GCG: variants seen among roughly 807,000 people sequenced by gnomAD.
GCG encodes glucagon.
GCG carries 11 observed loss-of-function variants against 22.8 expected under a neutral mutation model. The ratio of observed to expected loss-of-function variants is 0.48; its 90% CI spans 0.30 to 0.80. The LOEUF (loss-of-function observed/expected upper bound fraction) is 0.80. Among genes scored for constraint, GCG ranks in the 30% least tolerant of loss-of-function variants. The pLI, the probability that GCG is intolerant of heterozygous loss-of-function variation, is 0.06. For missense variants in GCG, 222 were observed against 222.0 expected (o/e 1.00, Z 0.00); for synonymous variants, 89 against 72.4 (o/e 1.23, Z -1.16).
Position 162,152,152 on chromosome 2 carries a change from T to C in GCG, c.-10+6A>G, listed in dbSNP as rs547679321. On this transcript the variant is annotated splice_donor_region_variant and intron_variant, in intron 1 of 5. Transcript: ENST00000418842. The stretch of plus-strand genomic sequence containing the variant: ...AACAGGATTTACAATTTTATAATCA[T>C]CTTACCTTCTGGTAGTGTGCTGTAG... The C allele has an allele frequency of 3.9e-5, 6 of 152,718 alleles. No homozygotes were observed. In the East Asian group the frequency reaches 1.2e-3, roughly 29 times the overall value. 9.5% of individuals were successfully genotyped at this position (152,718 alleles called of 1,614,324 possible).
Position 162,144,184 on chromosome 2 carries a change from T to G in GCG, c.393-14A>C. The G allele has an allele frequency of 6.2e-7, 1 of 1,601,406 alleles. No individual in the cohort carries two copies. The highest frequency in any genetic ancestry group is 8.6e-7 in the Non-Finnish European group (1 of 1,168,808). ...TCTTCTGGGAAACTAAGAAAATAAGTGTTAAAATTAGCGTTTGATTAGATA... is the reference window on the plus strand; with the variant it reads ...TCTTCTGGGAAACTAAGAAAATAAGGGTTAAAATTAGCGTTTGATTAGATA... On this transcript the variant is annotated splice_polypyrimidine_tract_variant and intron_variant, in intron 4 of 5. Transcript: ENST00000418842.
intron 3 of GCG, among the ~76,000 whole-genome samples, chr2:162,146,337 G>A (rs539473818): frequency 3.0e-4 from 46 of 152,188 alleles, no homozygotes; most frequent in Admixed American, 1.6e-3. Context: ...TTACCAAGTT[G>A]TGGCATTCCC....
chr2:162,151,399 G>A (rs758755384), intron 1 of GCG, among the ~76,000 whole-genome samples: 1 of 152,050 alleles, frequency 6.6e-6, no homozygotes, highest in Non-Finnish European at 1.5e-5. Context: ...CTCCATCAAA[G>A]ATCTTTGTAA....
rs1686801733 is a variant in GCG at position 162,150,307 on chromosome 2, A to T, written c.-9-1120T>A. 2.0e-5 allele frequency among the ~76,000 whole-genome samples: 3 copies of T among 152,194 alleles called. No homozygotes were observed. The South Asian group carries it at 6.2e-4, about 31-fold the overall frequency. ...ACAAATAATTTGAATGAATATTTTT[A>T]GCAAATGACATTTGGTTTGGAATAA... On this transcript the variant is annotated intron_variant, in intron 1 of 5. Transcript: ENST00000418842.
chr2:162,147,306 A>T (rs759750862), intron 3 of GCG, 47 bp downstream of exon 3: 2 of 1,428,110 alleles, frequency 1.4e-6, no homozygotes, highest in Admixed American at 1.8e-5. Context: ...TTTTAGACCT[A>T]TTTAATACAT....
chr2:162,143,752 T>C (rs1465879926), intron 5 of GCG, among the ~76,000 whole-genome samples: 1 of 152,214 alleles, frequency 6.6e-6, no homozygotes, highest in East Asian at 1.9e-4. Flanking sequence ...TGATGTAACA[T>C]TTCCCATGTT....
At chr2:162,145,701 T>C in intron 3 of GCG, 24 bp from the exon 4 acceptor site, 2 of 1,603,324 alleles carry the variant, frequency 1.2e-6, no homozygotes, top group Non-Finnish European at 8.5e-7. Context: ...GAAAGTTAAA[T>C]TGAAGATCTG....
In GCG at chr2:162,144,026, C is replaced by A; in HGVS notation, c.536+1G>T. On this transcript the variant is annotated splice_donor_variant, in intron 5 of 5. Coordinates refer to ENST00000418842, the MANE Select transcript of GCG (RefSeq NM_002054.5). LOFTEE classifies it high-confidence loss of function. The stretch of plus-strand genomic sequence containing the variant: ...TTCAGAATTAACTAAAAAGCAGTCA[C>A]CTGTCAGTGATTTTGGTCTGAATCA... 6.2e-7 allele frequency: 1 copy of A among 1,612,470 alleles called. No individual in the cohort carries two copies. Among genetic ancestry groups the A allele is most frequent in the Non-Finnish European group, 8.5e-7 (1 of 1,178,834 alleles).
chr2:162,151,153 C>G (rs1048018961), intron 1 of GCG, among the ~76,000 whole-genome samples: 2 of 151,862 alleles, frequency 1.3e-5, no homozygotes, highest in African/African-American at 2.4e-5. Context: ...CTAAAGAGAG[C>G]CTGCAGTTTT....
intron 1 of GCG, among the ~76,000 whole-genome samples, chr2:162,150,094 T>C (rs1256775460): frequency 1.3e-5 from 2 of 152,084 alleles, no homozygotes; most frequent in Admixed American, 1.3e-4. Flanking sequence ...AAGGATGTGA[T>C]GATGCAGTGT....
chr2:162,146,654 G>T (rs1270235986), intron 3 of GCG, among the ~76,000 whole-genome samples: 2 of 149,700 alleles, frequency 1.3e-5, no homozygotes, highest in Non-Finnish European at 3.0e-5. Context: ...GATTTCTTCA[G>T]CTACTTTCTA....
chr2:162,147,450 G>T lies in GCG; in HGVS notation c.157C>A (p.His53Asn). The change falls in exon 3 of 6, where the codon CAT (histidine) becomes AAT (asparagine). Residue 53 changes from histidine to asparagine, a missense_variant. By Grantham distance (68) the His-to-Asn change is moderately conservative. Transcript: ENST00000418842. ...DPDQMNEDKR[H>N]SQGTFTSDYS... ...TCACTGGTGAATGTGCCCTGTGAAT[G>T]GCGCTTGTCCTCGTTCATCTGATCA... is the stretch of plus-strand genomic sequence containing the variant. 6.2e-7 allele frequency: 1 copy of T among 1,613,188 alleles called. No individual in the cohort carries two copies. The highest frequency in any genetic ancestry group is 8.5e-7 in the Non-Finnish European group (1 of 1,179,320).
intron 3 of GCG, among the ~76,000 whole-genome samples, chr2:162,146,703 A>AAATTGTG (rs1478837251): frequency 6.6e-6 from 1 of 151,992 alleles, no homozygotes; most frequent in African/African-American, 2.4e-5. Context: ...CCCTCCAAAA[A>AAATTGTG]AATTGTGAAA....
intron 3 of GCG, among the ~76,000 whole-genome samples, chr2:162,146,637 A>T (rs1287947508): frequency 7.1e-6 from 1 of 140,946 alleles, no homozygotes; most frequent in African/African-American, 2.6e-5. Flanking sequence ...CCTTTTCCTG[A>T]TTTTTTGATT....
intron 4 of GCG, chr2:162,144,437 T>C (rs538812855): frequency 4.4e-5 from 17 of 389,554 alleles, no homozygotes; most frequent in East Asian, 2.7e-4. Context: ...GATTTTAGTA[T>C]ATTGACAATA....
At chr2:162,147,561 A>T (rs201109453) in intron 2 of GCG, 47 bp from the exon 3 acceptor site, 181 of 1,541,010 alleles carry the variant, frequency 1.2e-4, no homozygotes, top group Middle Eastern at 1.7e-4. Context: ...CCTCAAGAGT[A>T]GACTCACTTG....
At chr2:162,145,723 A>G (rs1686667189) in intron 3 of GCG, 46 bp from the exon 4 acceptor site, 7 of 1,577,094 alleles carry the variant, frequency 4.4e-6, no homozygotes, top group Non-Finnish European at 6.1e-6. Context: ...CTCTTTGGCA[A>G]TATGGTTCTC....
In GCG at chr2:162,144,027, C is replaced by A. The variant is rs1410998244; in HGVS notation, c.536G>T (p.Arg179Met). 1 of 1,612,038 alleles carries A rather than the reference C, an allele frequency of 6.2e-7. No homozygotes were observed. The highest frequency in any genetic ancestry group is 1.1e-5 in the South Asian group (1 of 90,996). The change falls in exon 5 of 6, where the codon AGG (arginine) becomes ATG (methionine). Residue 179 changes from arginine (R) to methionine (M), a missense_variant and splice_region_variant. Arg to Met is a moderately conservative substitution (Grantham distance 91, BLOSUM62 -1). Transcript: ENST00000418842. ...NWLIQTKITD[R>M]K ...TCAGAATTAACTAAAAAGCAGTCACCTGTCAGTGATTTTGGTCTGAATCAA... is the reference window on the plus strand; with the variant it reads ...TCAGAATTAACTAAAAAGCAGTCACATGTCAGTGATTTTGGTCTGAATCAA...
chr2:162,143,900 C>T (rs772740680), intron 5 of GCG, 127 bp downstream of exon 5: 12 of 742,060 alleles, frequency 1.6e-5, no homozygotes, highest in Middle Eastern at 2.3e-4. Flanking sequence ...CTTAAACATG[C>T]ATAATTATTT....
Sources: gnomAD v4.1 joint callset for allele counts (sites outside exome capture counted in the v4.1 genomes callset) on GRCh38, gnomAD v4.1.1 for gene constraint, MANE v1.5 for transcripts, NCBI Gene and HGNC (gene_info 2026-07-23, HGNC 2026-07-21) for gene names.